Variants in AGT observed in about 807,000 individuals in gnomAD.
AGT encodes the protein alpha-1 antiproteinase, antitrypsin.
In AGT, 26 loss-of-function variants were observed where a neutral mutation model predicts 28.1. That is an observed-to-expected ratio of 0.92 (90% CI 0.68 to 1.28). The LOEUF (loss-of-function observed/expected upper bound fraction) is 1.28. Among genes scored for constraint, AGT ranks in the 50% most tolerant of loss-of-function variants. AGT has a pLI of 0.00. For missense variants in AGT, 596 were observed against 592.3 expected, an observed-to-expected ratio of 1.01 and a Z score of -0.06; for synonymous variants, 259 against 259.6, an observed-to-expected ratio of 1.00 and a Z score of 0.02.
At chr1:230,733,863 T>C (rs1336547976) in intron 1 of AGT, among the ~76,000 whole-genome samples, 1 of 152,062 alleles carries the variant, frequency 6.6e-6, no homozygotes, top group Admixed American at 6.6e-5. Flanking sequence ...CGTGGCTGTC[T>C]TCTGCGTGGA....
At chr1:230,703,649 T>C (rs1663294648) in intron 4 of AGT, among the ~76,000 whole-genome samples, 1 of 152,224 alleles carries the variant, frequency 6.6e-6, no homozygotes, top group South Asian at 2.1e-4. Flanking sequence ...CCCTTGGCCA[T>C]GGCCCACCAG....
chr1:230,707,663 C>T (rs1558286975), intron 2 of AGT, among the ~76,000 whole-genome samples: 1 of 152,248 alleles, frequency 6.6e-6, no homozygotes, highest in South Asian at 2.1e-4. Context: ...GTGCTGCCCA[C>T]CTGGGCTGGC....
chr1:230,708,292 G>A (rs1282940472), intron 2 of AGT, among the ~76,000 whole-genome samples: 2 of 152,070 alleles, frequency 1.3e-5, no homozygotes, highest in East Asian at 1.9e-4. Flanking sequence ...GCTCTCTTTC[G>A]AAGGGAGACC....
intron 1 of AGT, among the ~76,000 whole-genome samples, chr1:230,722,621 G>A (rs1663870242): frequency 6.6e-6 from 1 of 152,244 alleles, no homozygotes; most frequent in Non-Finnish European, 1.5e-5. Context: ...TGACCTGGAT[G>A]TGAGACATGG....
At chr1:230,733,262 A>G (rs1664098745) in intron 1 of AGT, among the ~76,000 whole-genome samples, 1 of 151,982 alleles carries the variant, frequency 6.6e-6, no homozygotes, top group African/African-American at 2.4e-5. Flanking sequence ...CAGCGTGGGC[A>G]ACAAGATCTA....
chr1:230,709,859 C>T, intron 2 of AGT, 136 bp downstream of exon 2: 1 of 1,324,678 alleles, frequency 7.5e-7, no homozygotes, highest in Non-Finnish European at 1.1e-6. Context: ...CAGCCACTTC[C>T]CCACTTCTCA....
chr1:230,711,527 T>A (rs11568050), intron 1 of AGT, among the ~76,000 whole-genome samples: 1 of 152,102 alleles, frequency 6.6e-6, no homozygotes, highest in Non-Finnish European at 1.5e-5. Context: ...TGTGTGCCAA[T>A]CAGTAGGTCT....
At chr1:230,735,501 G>A (rs888728472) in intron 1 of AGT, among the ~76,000 whole-genome samples, 5 of 152,134 alleles carry the variant, frequency 3.3e-5, no homozygotes, top group African/African-American at 1.2e-4. Context: ...AGGTAAAGTG[G>A]CTTTTTTGTT....
intron 1 of AGT, among the ~76,000 whole-genome samples, chr1:230,742,168 C>T (rs999521907): frequency 6.6e-6 from 1 of 152,158 alleles, no homozygotes; most frequent in Non-Finnish European, 1.5e-5. Flanking sequence ...ATCTACTCCA[C>T]CTACCCCCAG....
In AGT at chr1:230,712,702, G is replaced by A. The variant is rs181443164; in HGVS notation, c.-31+1384C>T. Among the ~76,000 whole-genome samples, 317 of 152,332 alleles carry A rather than the reference G, an allele frequency of 2.1e-3. 3 individuals are homozygous for A. The highest frequency in any genetic ancestry group is 7.3e-3 in the African/African-American group (304 of 41,578). ...CTGCTCAGGCAGCGTCTCCAGAGAC[G>A]CAATTCCATGGGCCATTTTTGAGGC... On this transcript the variant is annotated intron_variant, in intron 1 of 4. Transcript: ENST00000366667.
chr1:230,741,418 T>G (rs1416892059), intron 1 of AGT, among the ~76,000 whole-genome samples: 3 of 152,120 alleles, frequency 2.0e-5, no homozygotes, highest in Non-Finnish European at 4.4e-5. Flanking sequence ...ATCTCTTGAG[T>G]CAGACAGCTG....
At chr1:230,716,576 C>T (rs1663742563), upstream of AGT, among the ~76,000 whole-genome samples, 1 of 152,148 alleles carries the variant, frequency 6.6e-6, no homozygotes, top group Admixed American at 6.5e-5. Flanking sequence ...CTTTCTGATG[C>T]TGTTCTTGTG....
intron 2 of AGT, 146 bp from the exon 3 acceptor site, chr1:230,706,346 C>T: frequency 1.1e-6 from 1 of 897,078 alleles, no homozygotes. Flanking sequence ...TCTGCATTCT[C>T]CTGGCCACAG....
At chr1:230,734,705 G>T (rs1664123911) in intron 1 of AGT, among the ~76,000 whole-genome samples, 1 of 151,386 alleles carries the variant, frequency 6.6e-6, no homozygotes, top group South Asian at 2.1e-4. Flanking sequence ...TAACTGGCTG[G>T]TTTTTTTGTT....
intron 1 of AGT, among the ~76,000 whole-genome samples, chr1:230,742,232 A>G (rs1157868778): frequency 6.6e-6 from 1 of 152,166 alleles, no homozygotes; most frequent in Non-Finnish European, 1.5e-5. Flanking sequence ...AGAAATTTTT[A>G]TGCAGATATA....
intron 4 of AGT, 148 bp downstream of exon 4, chr1:230,704,045 T>TACTTCTCTCCCACCTTTGGCC (rs1571973080): frequency 1.7e-6 from 2 of 1,210,320 alleles, no homozygotes; most frequent in East Asian, 5.1e-5. Flanking sequence ...ATGCTCTGGC[T>TACTTCTCTCCCACCTTTGGCC]ACTTCTCTCC....
intron 1 of AGT, among the ~76,000 whole-genome samples, chr1:230,732,166 GTTTA>G (rs1664081721): frequency 6.6e-6 from 1 of 151,956 alleles, no homozygotes. Context: ...TTGTTTGTTT[GTTTA>G]TTTGTTTGTT....
intron 4 of AGT, 81 bp downstream of exon 4, chr1:230,704,112 C>T: frequency 1.9e-6 from 3 of 1,607,704 alleles, no homozygotes; most frequent in Non-Finnish European, 2.6e-6. Context: ...CCATAGCCTC[C>T]TCTGTGTCCC....
intron 1 of AGT, among the ~76,000 whole-genome samples, chr1:230,727,753 G>A (rs1044628755): frequency 6.6e-6 from 1 of 152,062 alleles, no homozygotes; most frequent in African/African-American, 2.4e-5. Flanking sequence ...CCCTATATAA[G>A]GTACTGACAT....
Sources: gnomAD v4.1 joint callset for allele counts (sites outside exome capture counted in the v4.1 genomes callset) on GRCh38, gnomAD v4.1.1 for gene constraint, MANE v1.5 for transcripts, NCBI Gene and HGNC (gene_info 2026-07-23, HGNC 2026-07-21) for gene names.